MTUS2: variants seen among roughly 807,000 people sequenced by gnomAD.
MTUS2 encodes the protein microtubule associated scaffold protein 2.
A neutral mutation model predicts 114.1 loss-of-function variants in MTUS2; 40 were observed. That is an observed-to-expected ratio of 0.35 (90% CI 0.27 to 0.46). The LOEUF (loss-of-function observed/expected upper bound fraction) is 0.46. Among genes scored for constraint, MTUS2 ranks in the 20% least tolerant of loss-of-function variants. The pLI, the probability that MTUS2 is intolerant of heterozygous loss-of-function variation, is 1.00. For missense variants in MTUS2, 1,679 were observed against 1,705.4 expected, an observed-to-expected ratio of 0.98 and a Z score of 0.27; for synonymous variants, 688 against 672.0, an observed-to-expected ratio of 1.02 and a Z score of -0.37.
intron 10 of MTUS2, among the ~76,000 whole-genome samples, chr13:29,481,317 G>A (rs1881153338): frequency 6.6e-6 from 1 of 152,166 alleles, no homozygotes; most frequent in African/African-American, 2.4e-5. Flanking sequence ...GTCCATGACT[G>A]CCGTTAGCGC....
At chr13:29,241,106 G>C (rs1369118465) in intron 5 of MTUS2, among the ~76,000 whole-genome samples, 1 of 152,118 alleles carries the variant, frequency 6.6e-6, no homozygotes, top group East Asian at 1.9e-4. Flanking sequence ...CTGCCCTAAT[G>C]TGAAATTATG....
At chr13:29,135,083 C>T (rs577039893) in intron 5 of MTUS2, among the ~76,000 whole-genome samples, 1 of 152,312 alleles carries the variant, frequency 6.6e-6, no homozygotes, top group African/African-American at 2.4e-5. Context: ...CTGAATAGCG[C>T]AGTGAAATCT....
chr13:29,214,202 T>C (rs1034373863), intron 5 of MTUS2, among the ~76,000 whole-genome samples: 5 of 152,060 alleles, frequency 3.3e-5, no homozygotes, highest in Non-Finnish European at 7.4e-5. Flanking sequence ...TTGCTTTCCA[T>C]TTGCTTGGTA....
chr13:28,841,721 CTG>C (rs1177299886), intron 2 of MTUS2, among the ~76,000 whole-genome samples: 1 of 151,486 alleles, frequency 6.6e-6, no homozygotes, highest in Non-Finnish European at 1.5e-5. Flanking sequence ...GAGTCTCACT[CTG>C]TCGCCCAGGT....
intron 2 of MTUS2, among the ~76,000 whole-genome samples, chr13:28,991,432 G>A (rs1039056639): frequency 7.7e-4 from 115 of 149,554 alleles, no homozygotes; most frequent in African/African-American, 2.7e-3. Context: ...GCAGTGGTGC[G>A]ATCTTGGCTC....
intron 5 of MTUS2, among the ~76,000 whole-genome samples, chr13:29,218,421 C>A (rs1314884101): frequency 6.6e-6 from 1 of 152,180 alleles, no homozygotes; most frequent in Non-Finnish European, 1.5e-5. Context: ...TTTCAAACTG[C>A]TGTTAATTTG....
At chr13:29,257,225 G>A (rs1028943795) in intron 5 of MTUS2, among the ~76,000 whole-genome samples, 1 of 152,246 alleles carries the variant, frequency 6.6e-6, no homozygotes, top group South Asian at 2.1e-4. Context: ...AACCATGTCA[G>A]TCCTTTATTG....
intron 5 of MTUS2, among the ~76,000 whole-genome samples, chr13:29,164,020 G>A (rs9508304): frequency 0.25 from 37,560 of 152,020 alleles, 6,392 homozygotes; most frequent in African/African-American, 0.47. Flanking sequence ...TGGCTTGAAA[G>A]TGGCTCAGAA....
At chr13:29,377,623 T>C (rs1871852653) in intron 8 of MTUS2, among the ~76,000 whole-genome samples, 1 of 152,056 alleles carries the variant, frequency 6.6e-6, no homozygotes, top group Non-Finnish European at 1.5e-5. Context: ...ATGGCTAAAG[T>C]AGTGCCTAGA....
intron 8 of MTUS2, among the ~76,000 whole-genome samples, chr13:29,371,486 G>A (rs1486416774): frequency 1.3e-5 from 2 of 152,136 alleles, no homozygotes; most frequent in East Asian, 1.9e-4. Flanking sequence ...CCAAAGTGCT[G>A]GGATTACAGG....
At position 29,469,753 on chromosome 13, in the gene MTUS2, G is replaced by A. The variant is rs140698673; in HGVS notation, c.3185-10397G>A. On this transcript the variant is annotated intron_variant, in intron 9 of 15. Coordinates refer to ENST00000612955, the MANE Select transcript of MTUS2 (RefSeq NM_001033602.4). Reference sequence around the variant, plus strand: ...GCCCAAGAGTTACAGGCTGCAGTGAGTCATGATTGTGCCACTGCACTCCAG... The same window carrying A: ...GCCCAAGAGTTACAGGCTGCAGTGAATCATGATTGTGCCACTGCACTCCAG... 3.6e-3 allele frequency among the ~76,000 whole-genome samples: 554 copies of A among 152,052 alleles called. 11 individuals carry two copies. The East Asian group carries it at 0.055, about 15-fold the overall frequency.
intron 8 of MTUS2, among the ~76,000 whole-genome samples, chr13:29,434,009 G>C (rs1877221864): frequency 6.6e-6 from 1 of 152,144 alleles, no homozygotes; most frequent in Non-Finnish European, 1.5e-5. Flanking sequence ...AGCTCACAGG[G>C]TTGGATTTTC....
At chr13:29,237,429 C>T (rs1337244287) in intron 5 of MTUS2, among the ~76,000 whole-genome samples, 1 of 152,104 alleles carries the variant, frequency 6.6e-6, no homozygotes, top group African/African-American at 2.4e-5. Flanking sequence ...CTGATTCCAC[C>T]ACCCTGCCCC....
At chr13:29,123,771 T>C (rs745822466) in intron 5 of MTUS2, among the ~76,000 whole-genome samples, 2 of 152,122 alleles carry the variant, frequency 1.3e-5, no homozygotes, top group Non-Finnish European at 1.5e-5. Flanking sequence ...TTCTGAATGA[T>C]GTATTGAGAG....
chr13:29,410,710 T>C (rs1415206447), intron 8 of MTUS2, among the ~76,000 whole-genome samples: 1 of 152,230 alleles, frequency 6.6e-6, no homozygotes, highest in African/African-American at 2.4e-5. Flanking sequence ...CTATGGTAAT[T>C]TTCCTCATCC....
At chr13:29,270,264 C>T (rs1255946100) in intron 5 of MTUS2, among the ~76,000 whole-genome samples, 1 of 152,118 alleles carries the variant, frequency 6.6e-6, no homozygotes, top group Non-Finnish European at 1.5e-5. Context: ...GCAGCCAAAT[C>T]AAAGAGCAAA....
chr13:29,062,088 A>G (rs1036358525), intron 4 of MTUS2, among the ~76,000 whole-genome samples: 3 of 152,164 alleles, frequency 2.0e-5, no homozygotes, highest in Non-Finnish European at 2.9e-5. Context: ...GGATTCAAGC[A>G]ATTCTCGTGC....
At chr13:29,303,156 C>A (rs189172393) in intron 6 of MTUS2, among the ~76,000 whole-genome samples, 203 of 152,324 alleles carry the variant, frequency 1.3e-3, no homozygotes, top group Admixed American at 2.5e-3. Context: ...CAAAGGTCAG[C>A]AACCTCAAAG....
Position 29,343,776 on chromosome 13 carries a change from A to G in MTUS2, c.2906-15486A>G, listed in dbSNP as rs548388707. ...TTGTCCTCTTTCAGCTTTTTGATGC[A>G]GACATTTAATGCTCCAAACTTTCTT... is the stretch of plus-strand genomic sequence containing the variant. On this transcript the variant is annotated intron_variant, in intron 7 of 15. Coordinates refer to ENST00000612955, the MANE Select transcript of MTUS2 (RefSeq NM_001033602.4). 2.6e-5 allele frequency among the ~76,000 whole-genome samples: 4 copies of G among 152,164 alleles called. 1 individual carries two copies. The East Asian group carries it at 7.8e-4, about 30-fold the overall frequency.
Sources: allele counts gnomAD v4.1 joint callset (sites outside exome capture counted in the v4.1 genomes callset), GRCh38; gene constraint gnomAD v4.1.1; transcripts MANE v1.5; gene names NCBI Gene and HGNC (gene_info 2026-07-23, HGNC 2026-07-21).